Variants in SCHIP1 observed in about 807,000 individuals in gnomAD.
SCHIP1 encodes schwannomin interacting protein 1, also known as schwannomin-interacting protein 1.
In SCHIP1, 8 loss-of-function variants were observed where a neutral mutation model predicts 29.7. That is an observed-to-expected ratio of 0.27 (90% CI 0.16 to 0.49). SCHIP1 has a LOEUF of 0.49. Among genes scored for constraint, SCHIP1 ranks in the 20% least tolerant of loss-of-function variants. The probability of loss-of-function intolerance (pLI) is 0.99; values close to 1 mark genes in which losing one functional copy is unlikely to be tolerated. For missense variants in SCHIP1, 193 were observed against 294.6 expected (o/e 0.66, Z 2.52); for synonymous variants, 76 against 94.9 (o/e 0.80, Z 1.16).
intron 4 of SCHIP1, 166 bp downstream of exon 5, chr3:159,888,071 G>A: frequency 1.0e-6 from 1 of 976,272 alleles, no homozygotes; most frequent in Non-Finnish European, 1.5e-6. Flanking sequence ...CCTTCCTACT[G>A]TAGGACTGAA....
the SCHIP1 span, among the ~76,000 whole-genome samples, chr3:159,381,380 T>C: frequency 6.6e-6 from 1 of 152,192 alleles, no homozygotes; most frequent in African/African-American, 2.4e-5. Context: ...TTATTTACAA[T>C]AGATTTGCAT....
chr3:159,765,565 A>C, the SCHIP1 span: 1 of 181,304 alleles, frequency 5.5e-6, no homozygotes, highest in East Asian at 1.8e-4. Context: ...CGTTGCCACT[A>C]ATGTCTCATC....
chr3:159,775,873 T>C, the SCHIP1 span, among the ~76,000 whole-genome samples: 18 of 152,334 alleles, frequency 1.2e-4, no homozygotes, highest in African/African-American at 4.3e-4. Flanking sequence ...TCATAATTCC[T>C]AAGATCTCCG....
the SCHIP1 span, among the ~76,000 whole-genome samples, chr3:159,792,028 T>C: frequency 6.6e-6 from 1 of 152,204 alleles, no homozygotes; most frequent in African/African-American, 2.4e-5. Flanking sequence ...ATAATAATTA[T>C]TTTCATCTGT....
chr3:159,682,322 T>C, the SCHIP1 span, among the ~76,000 whole-genome samples: 1 of 152,280 alleles, frequency 6.6e-6, no homozygotes, highest in African/African-American at 2.4e-5. Flanking sequence ...GGTTCAGTAA[T>C]TACTGCCAGA....
chr3:159,364,710 G>A, the SCHIP1 span, among the ~76,000 whole-genome samples: 1 of 152,192 alleles, frequency 6.6e-6, no homozygotes. Flanking sequence ...CCCATTGCAA[G>A]GAATTGGGAA....
At chr3:159,877,352 A>G (rs149506782) in intron 2 of SCHIP1, among the ~76,000 whole-genome samples, 2 of 152,348 alleles carry the variant, frequency 1.3e-5, no homozygotes, top group African/African-American at 4.8e-5. Flanking sequence ...CTCTGTTTCA[A>G]AGAATAAAAA....
At chr3:159,494,989 G>A in the SCHIP1 span, among the ~76,000 whole-genome samples, 3 of 152,160 alleles carry the variant, frequency 2.0e-5, no homozygotes, top group South Asian at 6.2e-4. Context: ...CATATAAACA[G>A]AACCAATGAC....
chr3:159,273,857 T>C, the SCHIP1 span: 1 of 1,613,596 alleles, frequency 6.2e-7, no homozygotes, highest in South Asian at 1.1e-5. Context: ...AACGTGGGAC[T>C]GTGACCAGGG....
the SCHIP1 span, among the ~76,000 whole-genome samples, chr3:159,593,277 G>A: frequency 6.6e-6 from 1 of 152,132 alleles, no homozygotes; most frequent in Non-Finnish European, 1.5e-5. Flanking sequence ...CAACTCTGGA[G>A]TTGAGGAATG....
At chr3:159,556,663 C>T in the SCHIP1 span, among the ~76,000 whole-genome samples, 6,776 of 149,470 alleles carry the variant, frequency 0.045, 333 homozygotes, top group East Asian at 0.17. Context: ...TAAACTATCG[C>T]AAGGACAAAA....
chr3:159,823,047 T>C, the SCHIP1 span, among the ~76,000 whole-genome samples: 1 of 151,486 alleles, frequency 6.6e-6, no homozygotes, highest in Non-Finnish European at 1.5e-5. Flanking sequence ...TATGATGGAC[T>C]TGGGGAGGAA....
the SCHIP1 span, among the ~76,000 whole-genome samples, chr3:159,432,361 A>AGG: frequency 6.7e-6 from 1 of 148,664 alleles, no homozygotes; most frequent in African/African-American, 2.5e-5. Context: ...AGAGAGAGAG[A>AGG]GGGAGAGAGA....
At chr3:159,543,374 AC>A in the SCHIP1 span, among the ~76,000 whole-genome samples, 1 of 23,176 alleles carries the variant, frequency 4.3e-5, no homozygotes, top group African/African-American at 1.9e-4. Flanking sequence ...CCCTCCCCCC[AC>A]CCCACAACAT....
At chr3:159,538,932 A>G in the SCHIP1 span, among the ~76,000 whole-genome samples, 2 of 152,074 alleles carry the variant, frequency 1.3e-5, no homozygotes, top group Non-Finnish European at 2.9e-5. Flanking sequence ...AGAACATGCT[A>G]TATCCAAACA....
At chr3:159,832,291 G>C in the SCHIP1 span, among the ~76,000 whole-genome samples, 1 of 151,948 alleles carries the variant, frequency 6.6e-6, no homozygotes, top group Non-Finnish European at 1.5e-5. Flanking sequence ...CATATCTTCA[G>C]TCCCAAGACT....
chr3:159,316,682 A>G, the SCHIP1 span, among the ~76,000 whole-genome samples: 1 of 152,230 alleles, frequency 6.6e-6, no homozygotes, highest in Admixed American at 6.5e-5. Flanking sequence ...CACCTAACAT[A>G]ATACAACCAG....
the SCHIP1 span, among the ~76,000 whole-genome samples, chr3:159,594,332 T>A: frequency 4.5e-4 from 68 of 152,348 alleles, no homozygotes; most frequent in East Asian, 0.012. Flanking sequence ...AGCTTTTTTT[T>A]AAATGTTATG....
the SCHIP1 span, among the ~76,000 whole-genome samples, chr3:159,303,479 A>G: frequency 6.6e-6 from 1 of 151,546 alleles, no homozygotes; most frequent in East Asian, 1.9e-4. Context: ...AGAAAAGAAA[A>G]GAAAGAGAAA....
Sources: allele counts gnomAD v4.1 joint callset (sites outside exome capture counted in the v4.1 genomes callset), GRCh38; gene constraint gnomAD v4.1.1; transcripts MANE v1.5; gene names NCBI Gene and HGNC (gene_info 2026-07-23, HGNC 2026-07-21).